The following MEMO1 variants were observed in gnomAD, a reference collection of about 807,000 sequenced individuals.
MEMO1 encodes the protein protein MEMO1.
MEMO1 carries 6 observed loss-of-function variants against 45.2 expected under a neutral mutation model. The observed-to-expected ratio is 0.13, with a 90% CI of 0.07 to 0.26. The LOEUF (loss-of-function observed/expected upper bound fraction) is 0.26, where lower values mean the gene tolerates loss of function less well. MEMO1 is among the 10% of genes least tolerant of loss of function. The probability of loss-of-function intolerance (pLI) is 1.00; values close to 1 mark genes in which losing one functional copy is unlikely to be tolerated. For missense variants in MEMO1, 184 were observed against 370.5 expected (o/e 0.50, Z 4.13); for synonymous variants, 78 against 124.3 (o/e 0.63, Z 2.48).
At chr2:31,913,686 G>A (rs1330947008) in intron 6 of MEMO1, among the ~76,000 whole-genome samples, 1 of 152,102 alleles carries the variant, frequency 6.6e-6, no homozygotes, top group South Asian at 2.1e-4. Context: ...ACCAGGTACT[G>A]TGCTATGCAT....
At chr2:31,884,923 T>C (rs1050491031) in intron 7 of MEMO1, among the ~76,000 whole-genome samples, 1 of 150,636 alleles carries the variant, frequency 6.6e-6, no homozygotes, top group Non-Finnish European at 1.5e-5. Context: ...AGATCAACTA[T>C]AGTCTTTGAA....
At chr2:31,978,348 A>G (rs1670247752) in intron 2 of MEMO1, among the ~76,000 whole-genome samples, 2 of 152,178 alleles carry the variant, frequency 1.3e-5, no homozygotes, top group African/African-American at 4.8e-5. Flanking sequence ...AGATCAGGTC[A>G]TTGCACTCCA....
chr2:31,899,222 G>A (rs940035270), intron 6 of MEMO1, among the ~76,000 whole-genome samples: 2 of 152,134 alleles, frequency 1.3e-5, no homozygotes, highest in African/African-American at 4.8e-5. Context: ...AGCCCATATA[G>A]CCAAGACAAT....
chr2:32,005,541 T>TA (rs1330186126), intron 2 of MEMO1, among the ~76,000 whole-genome samples: 1 of 152,070 alleles, frequency 6.6e-6, no homozygotes, highest in Non-Finnish European at 1.5e-5. Context: ...AAGTATGTCA[T>TA]ACTTTAAAAA....
chr2:31,979,549 T>A (rs914487934), intron 2 of MEMO1, among the ~76,000 whole-genome samples: 1 of 152,158 alleles, frequency 6.6e-6, no homozygotes, highest in East Asian at 1.9e-4. Flanking sequence ...GAATCTGCTA[T>A]GGATAAACAG....
chr2:31,906,141 T>G (rs1382999364), intron 6 of MEMO1, among the ~76,000 whole-genome samples: 6 of 151,824 alleles, frequency 4.0e-5, no homozygotes, highest in African/African-American at 9.7e-5. Context: ...GGCTAATTTT[T>G]TTGTATCTTT....
chr2:31,929,889 T>C (rs1683688773), intron 4 of MEMO1, among the ~76,000 whole-genome samples: 1 of 152,254 alleles, frequency 6.6e-6, no homozygotes, highest in South Asian at 2.1e-4. Context: ...CAACTGTGAC[T>C]GTCAATTATT....
At chr2:31,910,141 A>T (rs949223199) in intron 6 of MEMO1, among the ~76,000 whole-genome samples, 6 of 152,158 alleles carry the variant, frequency 3.9e-5, no homozygotes, top group African/African-American at 1.4e-4. Flanking sequence ...ACTAATTTAG[A>T]ATTCTATATC....
chr2:31,994,491 G>A (rs1191516104), intron 2 of MEMO1, among the ~76,000 whole-genome samples: 4 of 151,656 alleles, frequency 2.6e-5, no homozygotes, highest in Admixed American at 6.6e-5. Flanking sequence ...TTAGCCAGGC[G>A]TGGTGGTGCG....
At chr2:31,906,224 C>T (rs1286736347) in intron 6 of MEMO1, among the ~76,000 whole-genome samples, 3 of 152,140 alleles carry the variant, frequency 2.0e-5, no homozygotes, top group African/African-American at 4.8e-5. Flanking sequence ...CCCGCCTCAA[C>T]CTCCCAAAGT....
chr2:31,965,604 T>C (rs1428786855), intron 2 of MEMO1, among the ~76,000 whole-genome samples: 1 of 152,156 alleles, frequency 6.6e-6, no homozygotes, highest in Non-Finnish European at 1.5e-5. Context: ...AACAAAACTC[T>C]TTTAAGTTTC....
At position 31,869,967 on chromosome 2, in the gene MEMO1, A is replaced by AAG; in HGVS notation, c.658-16_658-15insCT. The AAG allele has an allele frequency of 3.5e-6, 5 of 1,447,038 alleles. No homozygotes were observed. The highest frequency in any genetic ancestry group is 4.6e-6 in the Non-Finnish European group (5 of 1,092,452). The allele number at this position is 1,447,038 out of a possible 1,614,324, so 89.6% of individuals were successfully genotyped here. A position where few individuals can be genotyped will look rare whatever the true frequency, so the allele number is the denominator to read the frequency against. ...ATACTCATACCCTAAAAAAAAAAAA[A>AAG]AAGAAGAGGAAGAAAAAAATAAAAG... On this transcript the variant is annotated splice_polypyrimidine_tract_variant and intron_variant, in intron 8 of 9. Coordinates refer to ENST00000404530, the MANE Select transcript of MEMO1 (RefSeq NM_001301833.4).
chr2:31,894,640 G>C (rs1402485159), intron 6 of MEMO1, among the ~76,000 whole-genome samples: 3 of 152,114 alleles, frequency 2.0e-5, no homozygotes, highest in Admixed American at 2.0e-4. Context: ...CAGGCTGAGA[G>C]ACTGGCAGCG....
chr2:31,945,015 T>C (rs886754226), intron 2 of MEMO1, among the ~76,000 whole-genome samples: 1 of 152,172 alleles, frequency 6.6e-6, no homozygotes, highest in Non-Finnish European at 1.5e-5. Context: ...ATCTCCCTCC[T>C]TAGAGGTAAC....
intron 2 of MEMO1, among the ~76,000 whole-genome samples, chr2:31,958,360 A>G (rs1667636138): frequency 6.6e-6 from 1 of 151,596 alleles, no homozygotes; most frequent in Non-Finnish European, 1.5e-5. Flanking sequence ...CAGACGTGTT[A>G]ATGTAAAAAA....
chr2:31,874,379 GAT>G (rs1255155663), intron 8 of MEMO1, among the ~76,000 whole-genome samples: 1 of 152,032 alleles, frequency 6.6e-6, no homozygotes, highest in African/African-American at 2.4e-5. Context: ...TCAGAGTTTA[GAT>G]ATCCTATGCT....
intron 2 of MEMO1, among the ~76,000 whole-genome samples, chr2:31,976,602 T>C (rs1670032757): frequency 6.6e-6 from 1 of 152,034 alleles, no homozygotes; most frequent in South Asian, 2.1e-4. Context: ...GAATATATTT[T>C]CAGAACCAAT....
chr2:31,968,429 G>A (rs539346097), intron 2 of MEMO1, among the ~76,000 whole-genome samples: 2 of 152,208 alleles, frequency 1.3e-5, no homozygotes, highest in South Asian at 2.1e-4. Flanking sequence ...CTGATAACCC[G>A]ACCCAGAATT....
intron 7 of MEMO1, among the ~76,000 whole-genome samples, chr2:31,890,513 T>C (rs1227256844): frequency 6.6e-6 from 1 of 152,246 alleles, no homozygotes; most frequent in South Asian, 2.1e-4. Context: ...CTAAGTAGTA[T>C]ACTTATATCC....
Sources: allele counts gnomAD v4.1 joint callset (sites outside exome capture counted in the v4.1 genomes callset), GRCh38; gene constraint gnomAD v4.1.1; transcripts MANE v1.5; gene names NCBI Gene and HGNC (gene_info 2026-07-23, HGNC 2026-07-21).